CNTNAP5: variants seen among roughly 807,000 people sequenced by gnomAD.
The protein encoded by CNTNAP5 is contactin-associated protein-like 5.
A neutral mutation model predicts 150.2 loss-of-function variants in CNTNAP5; 72 were observed. The ratio of observed to expected loss-of-function variants is 0.48; its 90% confidence interval spans 0.40 to 0.58. The LOEUF is 0.58. CNTNAP5 is among the 20% of genes least tolerant of loss of function. The pLI is 0.00. For synonymous variants in CNTNAP5, 672 were observed against 619.8 expected (o/e 1.08, Z -1.25); for missense variants, 1,636 against 1,626.2 (o/e 1.01, Z -0.10).
At chr2:124,644,434 C>T (rs894205180) in intron 12 of CNTNAP5, among the ~76,000 whole-genome samples, 3 of 152,144 alleles carry the variant, frequency 2.0e-5, no homozygotes, top group Non-Finnish European at 4.4e-5. Context: ...GAAAGATTGA[C>T]TCTCTAATAC....
At chr2:124,099,324 C>A (rs912976295) in intron 1 of CNTNAP5, among the ~76,000 whole-genome samples, 1 of 152,186 alleles carries the variant, frequency 6.6e-6, no homozygotes, top group Non-Finnish European at 1.5e-5. Context: ...GTCTCTAGAG[C>A]AGGAAGGGTT....
intron 1 of CNTNAP5, among the ~76,000 whole-genome samples, chr2:124,070,596 CAAAG>C (rs1682281566): frequency 1.3e-5 from 2 of 151,554 alleles, no homozygotes. Flanking sequence ...AAAATAGAGA[CAAAG>C]AAGGGCATTA....
chr2:124,822,529 C>T (rs1030522176), intron 19 of CNTNAP5, among the ~76,000 whole-genome samples: 4 of 152,150 alleles, frequency 2.6e-5, no homozygotes, highest in South Asian at 2.1e-4. Context: ...CCCCTTCCAA[C>T]GAGATGTACT....
At chr2:124,151,412 G>A (rs1417469373) in intron 1 of CNTNAP5, among the ~76,000 whole-genome samples, 1 of 152,142 alleles carries the variant, frequency 6.6e-6, no homozygotes, top group Non-Finnish European at 1.5e-5. Flanking sequence ...GACTTGGTAA[G>A]TGCTGCTGAC....
intron 19 of CNTNAP5, among the ~76,000 whole-genome samples, chr2:124,857,477 C>A (rs1222724281): frequency 6.6e-6 from 1 of 151,966 alleles, no homozygotes; most frequent in Non-Finnish European, 1.5e-5. Flanking sequence ...ACAGGACCAC[C>A]AGATTCTAGC....
chr2:124,055,711 C>G (rs1681828277), intron 1 of CNTNAP5, among the ~76,000 whole-genome samples: 1 of 152,146 alleles, frequency 6.6e-6, no homozygotes, highest in African/African-American at 2.4e-5. Flanking sequence ...CACCTACAAT[C>G]CAATATCCTC....
At chr2:124,478,350 T>C (rs771290829) in intron 7 of CNTNAP5, among the ~76,000 whole-genome samples, 14 of 152,156 alleles carry the variant, frequency 9.2e-5, no homozygotes, top group Non-Finnish European at 1.6e-4. Context: ...AAGAATCCAT[T>C]TAGCACTAAC....
chr2:124,799,257 G>A (rs1180353429), intron 19 of CNTNAP5, among the ~76,000 whole-genome samples: 1 of 152,140 alleles, frequency 6.6e-6, no homozygotes, highest in Non-Finnish European at 1.5e-5. Flanking sequence ...TGATAAGCAA[G>A]GTGGAATACA....
intron 3 of CNTNAP5, among the ~76,000 whole-genome samples, chr2:124,357,949 T>A (rs1690069538): frequency 1.3e-5 from 2 of 150,240 alleles, no homozygotes; most frequent in African/African-American, 2.4e-5. Context: ...GCATGGAATG[T>A]TCTTCCATTT....
At chr2:124,328,941 T>G (rs1036624024) in intron 3 of CNTNAP5, among the ~76,000 whole-genome samples, 4 of 152,136 alleles carry the variant, frequency 2.6e-5, no homozygotes, top group Non-Finnish European at 5.9e-5. Flanking sequence ...TGCATAACCA[T>G]GGGAGCCATA....
chr2:124,393,584 G>T (rs1225862419), intron 3 of CNTNAP5, among the ~76,000 whole-genome samples: 1 of 152,208 alleles, frequency 6.6e-6, no homozygotes, highest in African/African-American at 2.4e-5. Flanking sequence ...AACCCTGCTG[G>T]ACTTCTCTGC....
At chr2:124,899,715 T>C (rs1444974933) in intron 21 of CNTNAP5, among the ~76,000 whole-genome samples, 1 of 151,336 alleles carries the variant, frequency 6.6e-6, no homozygotes, top group Non-Finnish European at 1.5e-5. Context: ...TGAGGAGCCA[T>C]ATTCACTATT....
intron 8 of CNTNAP5, among the ~76,000 whole-genome samples, chr2:124,509,626 T>G (rs943450196): frequency 2.6e-5 from 4 of 152,232 alleles, no homozygotes; most frequent in Non-Finnish European, 5.9e-5. Flanking sequence ...ATGTTCAACC[T>G]CAGCTTTTTC....
chr2:124,496,464 C>T (rs1294716030), intron 7 of CNTNAP5, among the ~76,000 whole-genome samples: 1 of 152,222 alleles, frequency 6.6e-6, no homozygotes, highest in African/African-American at 2.4e-5. Context: ...ATGACTGAAG[C>T]TCAGCTTTGC....
chr2:124,736,507 G>A (rs1680385440), intron 13 of CNTNAP5, among the ~76,000 whole-genome samples: 2 of 152,160 alleles, frequency 1.3e-5, no homozygotes, highest in African/African-American at 2.4e-5. Context: ...GACCATTGCA[G>A]ATGTTTTATA....
intron 1 of CNTNAP5, among the ~76,000 whole-genome samples, chr2:124,127,259 C>T (rs1683729310): frequency 6.6e-6 from 1 of 152,188 alleles, no homozygotes; most frequent in African/African-American, 2.4e-5. Context: ...TTTCTATACA[C>T]CAATAACAGA....
At chr2:124,816,986 G>A (rs1682378169) in intron 19 of CNTNAP5, among the ~76,000 whole-genome samples, 1 of 152,078 alleles carries the variant, frequency 6.6e-6, no homozygotes, top group South Asian at 2.1e-4. Flanking sequence ...GGTTCTATGT[G>A]GGGTGTAAAC....
chr2:124,261,167 A>T (rs1687443467), intron 3 of CNTNAP5, among the ~76,000 whole-genome samples: 1 of 152,178 alleles, frequency 6.6e-6, no homozygotes, highest in Admixed American at 6.5e-5. Context: ...AATGAAGGCC[A>T]TGTTCATCTG....
At chr2:124,698,387 C>T (rs1679450495) in intron 13 of CNTNAP5, among the ~76,000 whole-genome samples, 3 of 151,824 alleles carry the variant, frequency 2.0e-5, no homozygotes, top group Admixed American at 2.0e-4. Flanking sequence ...CACACACACA[C>T]ACACACACAC....
Sources: allele counts gnomAD v4.1 joint callset (sites outside exome capture counted in the v4.1 genomes callset), GRCh38; gene constraint gnomAD v4.1.1; transcripts MANE v1.5; gene names NCBI Gene and HGNC (gene_info 2026-07-23, HGNC 2026-07-21).